SLC22A9: variants seen among roughly 807,000 people sequenced by gnomAD.
The protein encoded by SLC22A9 is solute carrier family 22 member 9.
SLC22A9 carries 64 observed loss-of-function variants against 50.1 expected under a neutral mutation model. The ratio of observed to expected loss-of-function variants is 1.28; its 90% CI spans 1.04 to 1.57. The LOEUF (loss-of-function observed/expected upper bound fraction) is 1.57. SLC22A9 is among the 40% of genes most tolerant of loss of function. SLC22A9 has a pLI of 0.00. For synonymous variants in SLC22A9, 261 were observed against 242.5 expected (o/e 1.08, Z -0.71); for missense variants, 757 against 676.1 (o/e 1.12, Z -1.33).
chr11:63,371,997 C>T (rs566650861), intron 2 of SLC22A9, among the ~76,000 whole-genome samples: 17 of 152,176 alleles, frequency 1.1e-4, no homozygotes, highest in Middle Eastern at 3.4e-3. Context: ...CTTGAATGTA[C>T]GACAGGAAAT....
At chr11:63,370,603 G>A (rs1217732135) in intron 1 of SLC22A9, 145 bp downstream of exon 1, 2 of 948,362 alleles carry the variant, frequency 2.1e-6, no homozygotes, top group Non-Finnish European at 3.0e-6. Flanking sequence ...TTTATTAAAT[G>A]TCTGACACCT....
intron 5 of SLC22A9, among the ~76,000 whole-genome samples, chr11:63,376,329 A>G (rs538610976): frequency 4.6e-5 from 7 of 152,246 alleles, no homozygotes; most frequent in African/African-American, 1.7e-4. Context: ...ACTTACTATA[A>G]GTTCCTAAAG....
At chr11:63,374,171 T>A in intron 4 of SLC22A9, 109 bp downstream of exon 4, 1 of 1,067,876 alleles carries the variant, frequency 9.4e-7, no homozygotes, top group Non-Finnish European at 1.3e-6. Context: ...TGAGAGCACG[T>A]CCTCTCATAA....
intron 6 of SLC22A9, among the ~76,000 whole-genome samples, chr11:63,388,979 C>A (rs1235244216): frequency 6.6e-6 from 1 of 151,928 alleles, no homozygotes; most frequent in Non-Finnish European, 1.5e-5. Context: ...TTAATGGTAG[C>A]CTCTAATGAC....
chr11:63,395,465 G>A (rs866677224), intron 6 of SLC22A9, among the ~76,000 whole-genome samples: 3 of 152,094 alleles, frequency 2.0e-5, no homozygotes, highest in African/African-American at 7.2e-5. Flanking sequence ...CCTGAGAGCT[G>A]AGCTGCACTG....
At chr11:63,404,184 T>C (rs2014998642) in intron 6 of SLC22A9, among the ~76,000 whole-genome samples, 1 of 152,104 alleles carries the variant, frequency 6.6e-6, no homozygotes, top group African/African-American at 2.4e-5. Context: ...AAAAAGGTCA[T>C]ACCCAACATG....
At position 63,373,915 on chromosome 11, in the gene SLC22A9, G is replaced by A. The variant is rs372915168; in HGVS notation, c.683G>A (p.Arg228Lys). ...CCAGTAGCCGAGTGGGCAACACACA[G>A]ATTCCAGGCCATGGGAATTACATTG... ...IMLIAEWATH[R>K]FQAMGITLGM... The change falls in exon 4 of 10, where the codon AGA (arginine) becomes AAA (lysine). Residue 228 changes from arginine (R) to lysine (K), a missense_variant. Coordinates refer to ENST00000279178, the MANE Select transcript of SLC22A9 (RefSeq NM_080866.3). 88 of 1,613,524 alleles carry A rather than the reference G, an allele frequency of 5.5e-5. No individual in the cohort carries two copies. In the African/African-American group the frequency reaches 7.2e-4, roughly 13 times the overall value.
At chr11:63,378,327 G>A (rs1191993577) in intron 5 of SLC22A9, among the ~76,000 whole-genome samples, 11 of 151,768 alleles carry the variant, frequency 7.2e-5, no homozygotes, top group South Asian at 4.1e-4. Context: ...ATTCAACATC[G>A]TTCATATTAC....
At chr11:63,391,679 T>C (rs1439466580) in intron 6 of SLC22A9, among the ~76,000 whole-genome samples, 1 of 152,050 alleles carries the variant, frequency 6.6e-6, no homozygotes, top group African/African-American at 2.4e-5. Context: ...ATCCCTTTAT[T>C]TTCAGTCTGT....
chr11:63,371,258 A>C lies in SLC22A9; in HGVS notation c.506+20A>C. On this transcript the variant is annotated intron_variant, in intron 2 of 9. Transcript: ENST00000279178. Reference sequence around the variant, plus strand: ...AGACAGGTGAGTGTGTATGGAACACAGCTCTCTTTAAGGGCATTTTTTATC... The same window carrying C: ...AGACAGGTGAGTGTGTATGGAACACCGCTCTCTTTAAGGGCATTTTTTATC... 6.4e-7 allele frequency: 1 copy of C among 1,559,956 alleles called. No individual in the cohort carries two copies. Among genetic ancestry groups the C allele is most frequent in the Non-Finnish European group, 8.8e-7 (1 of 1,134,480 alleles).
intron 6 of SLC22A9, among the ~76,000 whole-genome samples, chr11:63,400,144 C>G (rs2014928427): frequency 1.3e-5 from 2 of 151,736 alleles, no homozygotes; most frequent in South Asian, 4.2e-4. Context: ...ACAAATGAAA[C>G]CCAAAATTAG....
intron 6 of SLC22A9, among the ~76,000 whole-genome samples, chr11:63,390,997 C>A (rs185211152): frequency 6.6e-6 from 1 of 151,808 alleles, no homozygotes; most frequent in African/African-American, 2.4e-5. Flanking sequence ...TGCTGTATCC[C>A]GTAGGTTTTG....
At chr11:63,373,013 T>G (rs1314653691) in intron 2 of SLC22A9, among the ~76,000 whole-genome samples, 1 of 152,148 alleles carries the variant, frequency 6.6e-6, no homozygotes, top group Non-Finnish European at 1.5e-5. Flanking sequence ...ATGACATTGG[T>G]GAGAGCTGAA....
At chr11:63,372,126 A>G (rs2014370810) in intron 2 of SLC22A9, among the ~76,000 whole-genome samples, 1 of 152,166 alleles carries the variant, frequency 6.6e-6, no homozygotes, top group Admixed American at 6.6e-5. Context: ...ACAGGGTGGT[A>G]AAAGAAGGGG....
chr11:63,383,821 CAGGTAGATCACG>C (rs2014610174), intron 6 of SLC22A9, among the ~76,000 whole-genome samples: 1 of 152,084 alleles, frequency 6.6e-6, no homozygotes, highest in South Asian at 2.1e-4. Flanking sequence ...GAGGCTGAGG[CAGGTAGATCACG>C]AGGTCAAGAG....
At chr11:63,382,689 A>C (rs2014587457) in intron 6 of SLC22A9, among the ~76,000 whole-genome samples, 2 of 152,196 alleles carry the variant, frequency 1.3e-5, no homozygotes, top group African/African-American at 4.8e-5. Context: ...AAAACCTCTA[A>C]AATACTAGGA....
At chr11:63,394,262 T>C (rs887375793) in intron 6 of SLC22A9, among the ~76,000 whole-genome samples, 3 of 152,178 alleles carry the variant, frequency 2.0e-5, no homozygotes, top group Non-Finnish European at 4.4e-5. Flanking sequence ...ATTTGTCACA[T>C]TTATACCTTG....
intron 6 of SLC22A9, among the ~76,000 whole-genome samples, chr11:63,388,868 T>C (rs1441751064): frequency 6.6e-6 from 1 of 152,174 alleles, no homozygotes; most frequent in East Asian, 1.9e-4. Context: ...TATTACTCTG[T>C]TCAGGTTTTA....
At chr11:63,398,191 A>T (rs1421870014) in intron 6 of SLC22A9, among the ~76,000 whole-genome samples, 1 of 152,148 alleles carries the variant, frequency 6.6e-6, no homozygotes, top group Non-Finnish European at 1.5e-5. Context: ...TGGGAGCTAC[A>T]TCCTAGAATG....
Sources: allele counts gnomAD v4.1 joint callset (sites outside exome capture counted in the v4.1 genomes callset), GRCh38; gene constraint gnomAD v4.1.1; transcripts MANE v1.5; gene names NCBI Gene and HGNC (gene_info 2026-07-23, HGNC 2026-07-21).